Variants in L3MBTL4 observed in about 807,000 individuals in gnomAD.
The protein encoded by L3MBTL4 is L3MBTL histone methyl-lysine binding protein 4, also known as lethal(3)malignant brain tumor-like protein 4.
Under a neutral mutation model 84.5 loss-of-function variants are expected in L3MBTL4, and 70 were observed. That is an observed-to-expected ratio of 0.83 (90% CI 0.68 to 1.01). The LOEUF (loss-of-function observed/expected upper bound fraction) is 1.01. Ranked by LOEUF, L3MBTL4 falls within the 50% of genes least tolerant of loss-of-function variation. The pLI, the probability that L3MBTL4 is intolerant of heterozygous loss-of-function variation, is 0.00. For synonymous variants in L3MBTL4, 274 were observed against 259.8 expected (o/e 1.05, Z -0.52); for missense variants, 715 against 754.8 (o/e 0.95, Z 0.62).
intron 10 of L3MBTL4, among the ~76,000 whole-genome samples, chr18:6,235,326 A>G (rs930645193): frequency 1.3e-5 from 2 of 152,222 alleles, no homozygotes; most frequent in African/African-American, 4.8e-5. Flanking sequence ...CATAATAAAT[A>G]CAAATTTTAA....
At chr18:6,003,699 T>C (rs1486761345) in intron 16 of L3MBTL4, among the ~76,000 whole-genome samples, 6 of 152,018 alleles carry the variant, frequency 3.9e-5, no homozygotes, top group Admixed American at 6.6e-5. Flanking sequence ...ATATAATGTA[T>C]CTCCTCTGAC....
chr18:5,993,881 TA>T (rs988537232), intron 16 of L3MBTL4, among the ~76,000 whole-genome samples: 2 of 152,076 alleles, frequency 1.3e-5, no homozygotes, highest in South Asian at 2.1e-4. Context: ...TGGGTAAAGT[TA>T]AAAAAAATAC....
At chr18:6,090,617 CACACACAT>C (rs1281553618) in intron 15 of L3MBTL4, among the ~76,000 whole-genome samples, 4 of 119,058 alleles carry the variant, frequency 3.4e-5, no homozygotes, top group African/African-American at 1.7e-4. Flanking sequence ...CACACACACA[CACACACAT>C]ATATTTCTTT....
At chr18:6,100,031 A>G (rs962428976) in intron 14 of L3MBTL4, among the ~76,000 whole-genome samples, 1 of 152,146 alleles carries the variant, frequency 6.6e-6, no homozygotes, top group African/African-American at 2.4e-5. Flanking sequence ...AAGCATTGTA[A>G]TCCGTTTAGT....
chr18:6,015,133 G>C (rs898660016), intron 16 of L3MBTL4, among the ~76,000 whole-genome samples: 5 of 152,138 alleles, frequency 3.3e-5, no homozygotes, highest in African/African-American at 9.7e-5. Context: ...GGATAGAGAT[G>C]AGGGCTGAAG....
rs142031744 is a variant in L3MBTL4, at chr18:6,215,769, G to A, written c.851C>T (p.Pro284Leu). 5.1e-5 allele frequency: 81 copies of A among 1,603,612 alleles called. No homozygotes were observed. The African/African-American group carries it at 1.0e-3, about 20-fold the overall frequency. ...ACTTACCATTTTAAAAACTTTGGCA[G>A]GAACTGCATTGGTTTGAGTAGCTTC... The part of the protein sequence containing the change: ...YLEATQTNAV[P>L]AKVFKMRLPH... The change falls in exon 11 of 19, where the codon CCT becomes CTT. Residue 284 changes from proline to leucine, a missense_variant. Physicochemically the swap from Pro to Leu is moderately conservative, Grantham distance 98. Transcript: ENST00000317931.
intron 4 of L3MBTL4, among the ~76,000 whole-genome samples, chr18:6,274,343 A>G (rs1452723576): frequency 1.3e-5 from 2 of 152,186 alleles, no homozygotes; most frequent in East Asian, 1.9e-4. Context: ...TTTAAGAACT[A>G]TTGCTCCCTA....
At chr18:6,083,103 T>C (rs1568087816) in intron 15 of L3MBTL4, among the ~76,000 whole-genome samples, 1 of 152,196 alleles carries the variant, frequency 6.6e-6, no homozygotes, top group Non-Finnish European at 1.5e-5. Flanking sequence ...CAAAATGAAG[T>C]CCAATCTCAA....
At chr18:5,981,284 T>C (rs2053198803) in intron 16 of L3MBTL4, among the ~76,000 whole-genome samples, 4 of 152,234 alleles carry the variant, frequency 2.6e-5, no homozygotes, top group Admixed American at 2.0e-4. Context: ...TGAGTATTCT[T>C]ACTATTTCAC....
intron 12 of L3MBTL4, among the ~76,000 whole-genome samples, chr18:6,209,601 T>TA (rs2046019013): frequency 6.6e-6 from 1 of 152,164 alleles, no homozygotes; most frequent in African/African-American, 2.4e-5. Context: ...CCTCAAAATC[T>TA]GAAATATAGA....
intron 1 of L3MBTL4, among the ~76,000 whole-genome samples, chr18:6,322,962 T>C (rs2147078401): frequency 6.6e-6 from 1 of 152,276 alleles, no homozygotes; most frequent in Non-Finnish European, 1.5e-5. Context: ...AATTCCCCCT[T>C]GGTATTGTCT....
chr18:6,216,475 G>C (rs769323338), intron 10 of L3MBTL4, among the ~76,000 whole-genome samples: 14 of 151,904 alleles, frequency 9.2e-5, no homozygotes, highest in South Asian at 4.2e-4. Context: ...TAAGTATTTA[G>C]ATTTATTCAT....
At chr18:6,181,419 G>C (rs2044466872) in intron 12 of L3MBTL4, among the ~76,000 whole-genome samples, 1 of 151,888 alleles carries the variant, frequency 6.6e-6, no homozygotes, top group Non-Finnish European at 1.5e-5. Context: ...TCTGTTTCCT[G>C]GGTTCAAGCA....
chr18:6,249,827 AT>A (rs1229725137), intron 5 of L3MBTL4, among the ~76,000 whole-genome samples: 2 of 152,252 alleles, frequency 1.3e-5, no homozygotes, highest in Admixed American at 1.3e-4. Flanking sequence ...AAATTCAGTC[AT>A]AAAAAATTAT....
At chr18:6,223,889 G>C (rs1307453451) in intron 10 of L3MBTL4, among the ~76,000 whole-genome samples, 1 of 152,140 alleles carries the variant, frequency 6.6e-6, no homozygotes, top group Non-Finnish European at 1.5e-5. Context: ...ATTATACTGT[G>C]ACAGGAGCAA....
At chr18:6,093,590 G>T (rs1032067603) in intron 14 of L3MBTL4, 62 bp from the exon 15 acceptor site, 3 of 1,399,686 alleles carry the variant, frequency 2.1e-6, no homozygotes, top group Non-Finnish European at 1.9e-6. Flanking sequence ...GGGATCCATT[G>T]TCATTAGAGC....
intron 1 of L3MBTL4, among the ~76,000 whole-genome samples, chr18:6,378,712 G>T (rs1485474525): frequency 6.6e-6 from 1 of 152,248 alleles, no homozygotes; most frequent in Admixed American, 6.5e-5. Flanking sequence ...TGCTGTTTTG[G>T]TCACTGTAGC....
rs1235174050 is a variant in L3MBTL4, at chr18:6,171,960, G to C, written c.982-18C>G. On this transcript the variant is annotated intron_variant, in intron 12 of 18. Coordinates refer to ENST00000317931, the MANE Select transcript of L3MBTL4 (RefSeq NM_001330559.2). ...AAATGAACCTGTTAAAACGAGTTTTGAATGATTAGCATTTAGTAATTAGGA... is the reference window on the plus strand; with the variant it reads ...AAATGAACCTGTTAAAACGAGTTTTCAATGATTAGCATTTAGTAATTAGGA... 1 of 1,236,988 alleles carries C rather than the reference G, an allele frequency of 8.1e-7. No homozygotes were observed. The highest frequency in any genetic ancestry group is 2.6e-5 in the East Asian group (1 of 39,138). 76.6% of individuals were successfully genotyped at this position (1,236,988 alleles called of 1,614,324 possible).
intron 5 of L3MBTL4, among the ~76,000 whole-genome samples, chr18:6,252,424 C>CAAA (rs10683991): frequency 0.05 from 7,602 of 151,332 alleles, 643 homozygotes; most frequent in African/African-American, 0.18. Context: ...CATTTTTTAT[C>CAAA]AAAAAAAACA....
Sources: gnomAD v4.1 joint callset for allele counts (sites outside exome capture counted in the v4.1 genomes callset) on GRCh38, gnomAD v4.1.1 for gene constraint, MANE v1.5 for transcripts, NCBI Gene and HGNC (gene_info 2026-07-23, HGNC 2026-07-21) for gene names.